The following MTUS2 variants were observed in gnomAD, a reference collection of about 807,000 sequenced individuals.
The protein encoded by MTUS2 is microtubule-associated tumor suppressor candidate 2.
Under a neutral mutation model 114.1 loss-of-function variants are expected in MTUS2, and 40 were observed. That is an observed-to-expected ratio of 0.35 (90% CI 0.27 to 0.46). The LOEUF (loss-of-function observed/expected upper bound fraction) is 0.46, where lower values mean the gene tolerates loss of function less well. MTUS2 is among the 20% of genes least tolerant of loss of function. The pLI, the probability that MTUS2 is intolerant of heterozygous loss-of-function variation, is 1.00. For missense variants in MTUS2, 1,679 were observed against 1,705.4 expected (o/e 0.98, Z 0.27); for synonymous variants, 688 against 672.0 (o/e 1.02, Z -0.37).
At chr13:29,265,290 T>G (rs969728138) in intron 5 of MTUS2, among the ~76,000 whole-genome samples, 1 of 152,204 alleles carries the variant, frequency 6.6e-6, no homozygotes, top group Non-Finnish European at 1.5e-5. Context: ...CTCATTTCCA[T>G]CTGGGAGTTT....
chr13:28,971,108 A>G lies in MTUS2; in HGVS notation c.-242-53349A>G, dbSNP rs11843297. 9.5e-3 allele frequency among the ~76,000 whole-genome samples: 1,450 copies of G among 152,350 alleles called. 33 individuals are homozygous for G. The highest frequency in any genetic ancestry group is 0.033 in the African/African-American group (1,372 of 41,578). Reference sequence around the variant, plus strand: ...AACACACATTGAAAAATCGTGCCAGAAAGTAGAGATTGGTGTTGGATTTGG... The same window carrying G: ...AACACACATTGAAAAATCGTGCCAGGAAGTAGAGATTGGTGTTGGATTTGG... On this transcript the variant is annotated intron_variant, in intron 2 of 15. Coordinates refer to ENST00000612955, the MANE Select transcript of MTUS2 (RefSeq NM_001033602.4).
intron 2 of MTUS2, among the ~76,000 whole-genome samples, chr13:28,864,964 C>T (rs1352188055): frequency 1.3e-5 from 2 of 152,166 alleles, no homozygotes; most frequent in African/African-American, 2.4e-5. Context: ...CATAGCAGCT[C>T]GCTCTTGAAG....
intron 2 of MTUS2, among the ~76,000 whole-genome samples, chr13:28,998,495 T>C (rs1390128524): frequency 6.6e-6 from 1 of 152,234 alleles, no homozygotes; most frequent in Non-Finnish European, 1.5e-5. Context: ...TTTTCCAACT[T>C]GGTTCCATTC....
At chr13:29,152,156 C>CA in intron 5 of MTUS2, among the ~76,000 whole-genome samples, 1 of 152,100 alleles carries the variant, frequency 6.6e-6, no homozygotes, top group African/African-American at 2.4e-5. Context: ...ACACTATACC[C>CA]AAATTAATAG....
chr13:29,238,904 T>G (rs1397780180), intron 5 of MTUS2, among the ~76,000 whole-genome samples: 2 of 152,044 alleles, frequency 1.3e-5, no homozygotes, highest in African/African-American at 4.8e-5. Context: ...TCCATCAAAG[T>G]CAAACTCATG....
At chr13:29,201,955 C>A (rs1056865341) in intron 5 of MTUS2, among the ~76,000 whole-genome samples, 1 of 152,142 alleles carries the variant, frequency 6.6e-6, no homozygotes, top group South Asian at 2.1e-4. Context: ...TTCATTTCAA[C>A]CTTGGTGAAT....
chr13:29,373,710 A>T (rs1871365171), intron 8 of MTUS2, among the ~76,000 whole-genome samples: 1 of 152,198 alleles, frequency 6.6e-6, no homozygotes, highest in African/African-American at 2.4e-5. Context: ...GGCTGGATGG[A>T]ACTGATAACC....
Position 28,922,577 on chromosome 13 carries a change from C to T in MTUS2, c.-243+82727C>T, listed in dbSNP as rs183721828. 2.4e-3 allele frequency among the ~76,000 whole-genome samples: 359 copies of T among 152,244 alleles called. 1 individual carries two copies. The highest frequency in any genetic ancestry group is 7.4e-3 in the African/African-American group (309 of 41,554). The stretch of plus-strand genomic sequence containing the variant: ...TCTCTGGGTGGGCATCTGCTGGGTG[C>T]GCTCCTGTTATGCTTTCTGCTGTGA... On this transcript the variant is annotated intron_variant, in intron 2 of 15. Transcript: ENST00000612955.
chr13:28,960,278 G>A (rs1056756855), intron 2 of MTUS2, among the ~76,000 whole-genome samples: 1 of 152,240 alleles, frequency 6.6e-6, no homozygotes, highest in African/African-American at 2.4e-5. Flanking sequence ...TAAATTGCTT[G>A]TGGGATTATA....
In MTUS2 at chr13:29,343,217, G is replaced by A. The variant is rs144957120; in HGVS notation, c.2906-16045G>A. 6.4e-3 allele frequency among the ~76,000 whole-genome samples: 977 copies of A among 151,734 alleles called. 7 individuals carry two copies. The highest frequency in any genetic ancestry group is 0.016 in the African/African-American group (649 of 41,462). On this transcript the variant is annotated intron_variant, in intron 7 of 15. Coordinates refer to ENST00000612955, the MANE Select transcript of MTUS2 (RefSeq NM_001033602.4). ...TTCCCTCTTTGTCTTTTGAATTAGT[G>A]TCAATAGGATTGGTACCAGTTCTTC... is the stretch of plus-strand genomic sequence containing the variant.
intron 5 of MTUS2, among the ~76,000 whole-genome samples, chr13:29,254,345 G>C (rs1897226778): frequency 6.6e-6 from 1 of 152,226 alleles, no homozygotes; most frequent in Admixed American, 6.5e-5. Context: ...GACAGAGGCA[G>C]AATGGCCTGG....
chr13:29,387,656 C>T (rs945796652), intron 8 of MTUS2, among the ~76,000 whole-genome samples: 2 of 152,108 alleles, frequency 1.3e-5, no homozygotes, highest in Non-Finnish European at 2.9e-5. Context: ...CAAAAGTAAG[C>T]AGGAGCGAGG....
chr13:29,173,789 T>TAA (rs910109870), intron 5 of MTUS2, among the ~76,000 whole-genome samples: 2 of 152,062 alleles, frequency 1.3e-5, no homozygotes, highest in African/African-American at 4.8e-5. Context: ...AAACCTGCAT[T>TAA]AAAAAAACTC....
chr13:29,225,293 T>A (rs1201558540), intron 5 of MTUS2, among the ~76,000 whole-genome samples: 1 of 152,148 alleles, frequency 6.6e-6, no homozygotes, highest in African/African-American at 2.4e-5. Flanking sequence ...TTTAATCCGT[T>A]ACTGGCATAT....
At chr13:28,894,325 GGAGGGAGAGAGA>G (rs1566203737) in intron 2 of MTUS2, among the ~76,000 whole-genome samples, 10 of 59,758 alleles carry the variant, frequency 1.7e-4, no homozygotes, top group African/African-American at 9.6e-4. Flanking sequence ...AGGGAGGGAG[GGAGGGAGAGAGA>G]GAGAGAGAGA....
At chr13:29,415,586 T>C (rs1359223512) in intron 8 of MTUS2, among the ~76,000 whole-genome samples, 1 of 152,222 alleles carries the variant, frequency 6.6e-6, no homozygotes, top group Non-Finnish European at 1.5e-5. Flanking sequence ...ATTTGCCTTC[T>C]TAATCACTTT....
intron 6 of MTUS2, among the ~76,000 whole-genome samples, chr13:29,318,391 C>CTTTTTTTTTTTTTTTTTTTTTTTTT (rs71090240): frequency 2.4e-4 from 33 of 135,066 alleles, no homozygotes; most frequent in African/African-American, 3.4e-4. Context: ...ATTTCTTTTT[C>CTTTTTTTTTTTTTTTTTTTTTTTTT]TTTTTTTTTT....
chr13:28,898,642 T>G (rs1272832645), intron 2 of MTUS2, among the ~76,000 whole-genome samples: 1 of 152,360 alleles, frequency 6.6e-6, no homozygotes, highest in East Asian at 1.9e-4. Flanking sequence ...TGGCATTCAT[T>G]AGTTTGTTAG....
chr13:28,963,052 T>C (rs1431164274), intron 2 of MTUS2, among the ~76,000 whole-genome samples: 9 of 152,202 alleles, frequency 5.9e-5, no homozygotes, highest in Non-Finnish European at 1.5e-5. Context: ...ATTCTTTTAA[T>C]TGAAATAGAG....
Sources: allele counts gnomAD v4.1 joint callset (sites outside exome capture counted in the v4.1 genomes callset), GRCh38; gene constraint gnomAD v4.1.1; transcripts MANE v1.5; gene names NCBI Gene and HGNC (gene_info 2026-07-23, HGNC 2026-07-21).